Variants in DOCK4 observed in about 807,000 individuals in gnomAD.
DOCK4 encodes dedicator of cytokinesis protein 4.
DOCK4 carries 97 observed loss-of-function variants against 268.1 expected under a neutral mutation model. The observed-to-expected ratio is 0.36, with a 90% CI of 0.31 to 0.43. The LOEUF (loss-of-function observed/expected upper bound fraction) is 0.43, where lower values mean the gene tolerates loss of function less well. Ranked by LOEUF, DOCK4 falls within the 20% of genes least tolerant of loss-of-function variation. The pLI, the probability that DOCK4 is intolerant of heterozygous loss-of-function variation, is 1.00. For missense variants in DOCK4, 2,145 were observed against 2,455.7 expected (o/e 0.87, Z 2.67); for synonymous variants, 954 against 887.2 (o/e 1.08, Z -1.34).
Position 112,183,118 on chromosome 7 carries a change from G to A in DOCK4, c.37+22984C>T, listed in dbSNP as rs373276974. On this transcript the variant is annotated intron_variant, in intron 1 of 52. Transcript: ENST00000428084. Reference sequence around the variant, plus strand: ...ATCAGAAGGCAGCCTCTCTACAGACGGAAGATGTCCATAGAAAGAAGGGAA... The same window carrying A: ...ATCAGAAGGCAGCCTCTCTACAGACAGAAGATGTCCATAGAAAGAAGGGAA... Among the ~76,000 whole-genome samples the A allele has an allele frequency of 3.3e-5, 5 of 152,178 alleles. No homozygotes were observed. The South Asian group carries it at 6.2e-4, about 19-fold the overall frequency.
chr7:112,021,131 T>C (rs1186308496), intron 1 of DOCK4, among the ~76,000 whole-genome samples: 1 of 152,196 alleles, frequency 6.6e-6, no homozygotes, highest in East Asian at 1.9e-4. Context: ...ATTTTTCTCT[T>C]CTAAACTATT....
At chr7:112,128,887 C>T (rs976900646) in intron 1 of DOCK4, among the ~76,000 whole-genome samples, 22 of 152,080 alleles carry the variant, frequency 1.4e-4, no homozygotes, top group Middle Eastern at 3.4e-3. Context: ...TCCCCCTCTG[C>T]GAGAAACACC....
chr7:111,765,644 T>C (rs1797717339), intron 38 of DOCK4, among the ~76,000 whole-genome samples: 1 of 152,252 alleles, frequency 6.6e-6, no homozygotes, highest in Non-Finnish European at 1.5e-5. Context: ...AGAATTCTTG[T>C]GCCAGATGTA....
At chr7:111,961,085 G>T (rs539194867) in intron 8 of DOCK4, among the ~76,000 whole-genome samples, 1 of 151,962 alleles carries the variant, frequency 6.6e-6, no homozygotes. Flanking sequence ...TTTGCTCCAC[G>T]TCTGCTTGCC....
intron 1 of DOCK4, among the ~76,000 whole-genome samples, chr7:112,028,007 C>T (rs1463173960): frequency 5.3e-5 from 8 of 152,148 alleles, no homozygotes; most frequent in African/African-American, 1.7e-4. Flanking sequence ...ATTACCGATA[C>T]ATCTGGGAGA....
chr7:111,844,728 C>A, intron 25 of DOCK4, 35 bp downstream of exon 25: 1 of 1,594,412 alleles, frequency 6.3e-7, no homozygotes, highest in Non-Finnish European at 8.6e-7. Flanking sequence ...CATAACCAGG[C>A]CCTGTTCCAC....
At chr7:111,741,504 A>T in intron 46 of DOCK4, 36 bp downstream of exon 46, 1 of 1,606,556 alleles carries the variant, frequency 6.2e-7, no homozygotes, top group Non-Finnish European at 8.5e-7. Flanking sequence ...CTTGCGGGTG[A>T]GGCCAAATTG....
rs1252257460 is a variant in DOCK4, at chr7:111,863,365, A to C, written c.2473+7T>G. ...AGGCACAATTTCCTCCAAGAGACTC[A>C]CCCTACCTGGGTTGGTATAAAGCTG... is the stretch of plus-strand genomic sequence containing the variant. On this transcript the variant is annotated splice_region_variant and intron_variant, in intron 23 of 52. Coordinates refer to ENST00000428084, the MANE Select transcript of DOCK4 (RefSeq NM_001363540.2). 5.0e-6 allele frequency: 8 copies of C among 1,614,008 alleles called. No homozygotes were observed. Among genetic ancestry groups the C allele is most frequent in the Non-Finnish European group, 5.9e-6 (7 of 1,179,878 alleles).
intron 23 of DOCK4, among the ~76,000 whole-genome samples, chr7:111,854,436 G>A (rs1368984915): frequency 6.6e-6 from 1 of 152,224 alleles, no homozygotes; most frequent in Admixed American, 6.5e-5. Flanking sequence ...AGAGGGACAG[G>A]AATTGCTCAC....
intron 1 of DOCK4, among the ~76,000 whole-genome samples, chr7:112,169,445 T>C (rs1817886915): frequency 6.6e-6 from 1 of 152,168 alleles, no homozygotes; most frequent in African/African-American, 2.4e-5. Context: ...TAGAACAGAC[T>C]CATTTAATTA....
In DOCK4 at chr7:111,728,555, C is replaced by A. The variant is rs1485744411; in HGVS notation, c.5647G>T (p.Ala1883Ser). ...GFENQVNEQS[A>S]PLPVPVPVPV... is the part of the protein sequence containing the mutation. ...ACCGGCACTGGCACCGGCAGGGGGG[C>A]CGACTGTTCATTCACCTGATTTTCA... The change falls in exon 53 of 53, where the codon GCC becomes TCC. Residue 1883 changes from alanine (A) to serine (S), a missense_variant. Ala to Ser is a moderately conservative substitution (Grantham distance 99). This residue lies in a region of DOCK4 where 547 missense variants were observed against 469.0 expected (regional missense o/e 1.17). Transcript: ENST00000428084. The A allele has an allele frequency of 3.7e-6, 6 of 1,613,754 alleles. No individual in the cohort carries two copies. Among genetic ancestry groups the A allele is most frequent in the Non-Finnish European group, 5.1e-6 (6 of 1,179,900 alleles).
At chr7:112,011,932 G>A (rs1801360155) in intron 1 of DOCK4, among the ~76,000 whole-genome samples, 1 of 150,032 alleles carries the variant, frequency 6.7e-6, no homozygotes, top group Admixed American at 6.7e-5. Flanking sequence ...CTTAGGAAAG[G>A]GTAACAATGT....
At chr7:111,840,974 A>G in intron 25 of DOCK4, 18 of 517,744 alleles carry the variant, frequency 3.5e-5, no homozygotes, top group South Asian at 2.8e-4. Flanking sequence ...AATTATTATA[A>G]CAACAACAAT....
chr7:112,096,465 G>T (rs1291824021), intron 1 of DOCK4, among the ~76,000 whole-genome samples: 1 of 152,164 alleles, frequency 6.6e-6, no homozygotes, highest in East Asian at 1.9e-4. Flanking sequence ...TTACAGGCAT[G>T]AGCCACTGTG....
chr7:111,955,619 T>C (rs1354232264), intron 8 of DOCK4, among the ~76,000 whole-genome samples: 2 of 152,356 alleles, frequency 1.3e-5, no homozygotes, highest in East Asian at 1.9e-4. Context: ...AAAATAAAGA[T>C]ATCTGAAACA....
intron 6 of DOCK4, among the ~76,000 whole-genome samples, chr7:111,987,305 CCAT>C (rs930029770): frequency 6.6e-6 from 1 of 152,134 alleles, no homozygotes; most frequent in Non-Finnish European, 1.5e-5. Flanking sequence ...TTTCATTCTG[CCAT>C]CATTTTCTTT....
At chr7:111,773,744 C>T (rs1188102465) in intron 36 of DOCK4, among the ~76,000 whole-genome samples, 7 of 152,048 alleles carry the variant, frequency 4.6e-5, no homozygotes, top group Non-Finnish European at 4.4e-5. Flanking sequence ...GGGCCAGGTG[C>T]GGTAGCTCAC....
intron 1 of DOCK4, among the ~76,000 whole-genome samples, chr7:112,004,706 G>A (rs981620990): frequency 6.6e-6 from 1 of 152,160 alleles, no homozygotes; most frequent in African/African-American, 2.4e-5. Flanking sequence ...TTCTTCTGCA[G>A]TAATCAACGG....
At chr7:112,043,881 G>T (rs949065247) in intron 1 of DOCK4, among the ~76,000 whole-genome samples, 1 of 151,898 alleles carries the variant, frequency 6.6e-6, no homozygotes, top group African/African-American at 2.4e-5. Context: ...ATCTGAGGTA[G>T]GAAAACTAAG....
Sources: gnomAD v4.1 joint callset for allele counts (sites outside exome capture counted in the v4.1 genomes callset) on GRCh38, gnomAD v4.1.1 for gene constraint, gnomAD v4.1.1 regional missense constraint, MANE v1.5 for transcripts, NCBI Gene and HGNC (gene_info 2026-07-23, HGNC 2026-07-21) for gene names.